Variants in PDE1C observed in about 807,000 individuals in gnomAD.
PDE1C encodes the protein dual specificity calcium/calmodulin-dependent 3',5'-cyclic nucleotide phosphodiesterase 1C.
Under a neutral mutation model 93.1 loss-of-function variants are expected in PDE1C, and 62 were observed. The observed-to-expected ratio is 0.67, with a 90% CI of 0.54 to 0.82. The LOEUF is 0.82. PDE1C is among the 40% of genes least tolerant of loss of function. The pLI is 0.00. For missense variants in PDE1C, 742 were observed against 884.6 expected (o/e 0.84, Z 2.04); for synonymous variants, 325 against 310.1 (o/e 1.05, Z -0.50).
intron 1 of PDE1C, among the ~76,000 whole-genome samples, chr7:32,275,965 C>A (rs760859021): frequency 6.6e-6 from 1 of 152,162 alleles, no homozygotes; most frequent in African/African-American, 2.4e-5. Context: ...ACCAGCTTAT[C>A]GAGTTGGCAT....
intron 2 of PDE1C, among the ~76,000 whole-genome samples, chr7:32,028,450 G>A (rs893334122): frequency 6.6e-6 from 1 of 152,054 alleles, no homozygotes; most frequent in African/African-American, 2.4e-5. Flanking sequence ...CCATAAGAAA[G>A]ATTAAGCTCT....
At chr7:32,395,867 TA>T (rs201403535) in intron 1 of PDE1C, among the ~76,000 whole-genome samples, 1 of 28,036 alleles carries the variant, frequency 3.6e-5, no homozygotes, top group African/African-American at 4.7e-5. Context: ...TGAACAATTC[TA>T]AAAAAAATAT....
At chr7:31,620,417 A>G in the PDE1C span, among the ~76,000 whole-genome samples, 1 of 151,838 alleles carries the variant, frequency 6.6e-6, no homozygotes, top group Non-Finnish European at 1.5e-5. Context: ...CAAAACTTCC[A>G]GAGGAACGAT....
the PDE1C span, among the ~76,000 whole-genome samples, chr7:31,639,116 AT>A: frequency 1.2e-4 from 19 of 152,124 alleles, no homozygotes; most frequent in Non-Finnish European, 2.2e-4. Flanking sequence ...AGTTTTCTTC[AT>A]GTTTCTGGTG....
chr7:32,335,799 G>A (rs1233591046), intron 1 of PDE1C, among the ~76,000 whole-genome samples: 2 of 152,030 alleles, frequency 1.3e-5, no homozygotes, highest in Admixed American at 6.6e-5. Context: ...TGCGATCATG[G>A]CTCACTGCAG....
intron 16 of PDE1C, among the ~76,000 whole-genome samples, chr7:31,797,385 A>G (rs1785434553): frequency 6.6e-6 from 1 of 151,796 alleles, no homozygotes; most frequent in African/African-American, 2.4e-5. Context: ...ATCCTTTGAG[A>G]CAGAAACAAG....
chr7:31,839,438 A>C (rs1054161625), intron 9 of PDE1C, among the ~76,000 whole-genome samples: 8 of 143,224 alleles, frequency 5.6e-5, no homozygotes, highest in Admixed American at 7.4e-5. Context: ...ACACACATAT[A>C]TAATACAAAA....
intron 1 of PDE1C, among the ~76,000 whole-genome samples, chr7:32,235,110 G>A (rs976945397): frequency 2.0e-5 from 3 of 151,966 alleles, no homozygotes; most frequent in Admixed American, 2.0e-4. Flanking sequence ...TCCTTACCCT[G>A]ATAAAGGCAA....
At chr7:31,831,798 G>A (rs1790451533) in intron 11 of PDE1C, among the ~76,000 whole-genome samples, 1 of 151,736 alleles carries the variant, frequency 6.6e-6, no homozygotes, top group Non-Finnish European at 1.5e-5. Flanking sequence ...AAGAAGAAGA[G>A]GAAGGAAGAG....
chr7:31,842,163 G>A (rs997643346), intron 9 of PDE1C, among the ~76,000 whole-genome samples: 1 of 151,982 alleles, frequency 6.6e-6, no homozygotes, highest in Admixed American at 6.6e-5. Context: ...TATCACACAT[G>A]ATATATTACC....
Position 31,793,519 on chromosome 7 carries a change from A to G in PDE1C, c.1891+15512T>C, listed in dbSNP as rs147696466. Among the ~76,000 whole-genome samples, 1,270 of 152,076 alleles carry G rather than the reference A, an allele frequency of 8.4e-3. 13 individuals carry two copies. The highest frequency in any genetic ancestry group is 0.029 in the African/African-American group (1,203 of 41,506). On this transcript the variant is annotated intron_variant, in intron 16 of 17. Transcript: ENST00000396191. ...CTGTACCATAGCTGCCTCCCTATGG[A>G]GTCAACTTTCTGCAAAAACAGCAAA...
At chr7:31,826,220 T>C (rs1308279329) in intron 12 of PDE1C, among the ~76,000 whole-genome samples, 1 of 152,186 alleles carries the variant, frequency 6.6e-6, no homozygotes, top group Non-Finnish European at 1.5e-5. Flanking sequence ...TATGAATGCA[T>C]ATTTAGTTTT....
At chr7:32,411,615 C>G (rs1393498361) in intron 1 of PDE1C, among the ~76,000 whole-genome samples, 2 of 152,124 alleles carry the variant, frequency 1.3e-5, no homozygotes, top group Non-Finnish European at 2.9e-5. Context: ...AATGGGAAGG[C>G]CTGGGACATT....
At chr7:32,075,565 T>A (rs138472413), upstream of PDE1C, among the ~76,000 whole-genome samples, 1 of 152,142 alleles carries the variant, frequency 6.6e-6, no homozygotes, top group Non-Finnish European at 1.5e-5. Context: ...GGGCAGACTC[T>A]GTCTCAGGAA....
At chr7:31,792,389 A>G (rs1784687461) in intron 16 of PDE1C, among the ~76,000 whole-genome samples, 1 of 152,132 alleles carries the variant, frequency 6.6e-6, no homozygotes, top group Non-Finnish European at 1.5e-5. Context: ...AAGCATGAGG[A>G]GGATGGGACT....
chr7:32,096,834 G>A (rs1319639306), intron 3 of PDE1C, among the ~76,000 whole-genome samples: 1 of 150,626 alleles, frequency 6.6e-6, no homozygotes, highest in African/African-American at 2.4e-5. Context: ...TAGATAGATA[G>A]ATAGATAGAT....
intron 3 of PDE1C, among the ~76,000 whole-genome samples, chr7:32,147,273 AAAG>A (rs1554513823): frequency 5.6e-5 from 1 of 17,864 alleles, no homozygotes; most frequent in African/African-American, 2.3e-4. Context: ...AGAAAGAAAA[AAAG>A]AAAGAAAGAA....
At chr7:31,917,418 G>A (rs934822703) in intron 2 of PDE1C, among the ~76,000 whole-genome samples, 11 of 152,070 alleles carry the variant, frequency 7.2e-5, no homozygotes, top group African/African-American at 1.4e-4. Context: ...GTCAACCTGA[G>A]TATAAATGAG....
At chr7:31,663,657 G>T in the PDE1C span, among the ~76,000 whole-genome samples, 11 of 152,150 alleles carry the variant, frequency 7.2e-5, no homozygotes, top group African/African-American at 2.4e-4. Flanking sequence ...ACTTTTAATT[G>T]TGCTTAGTGG....
Sources: gnomAD v4.1 joint callset for allele counts (sites outside exome capture counted in the v4.1 genomes callset) on GRCh38, gnomAD v4.1.1 for gene constraint, MANE v1.5 for transcripts, NCBI Gene and HGNC (gene_info 2026-07-23, HGNC 2026-07-21) for gene names.